The following TSG101 variants were observed in gnomAD, a reference collection of about 807,000 sequenced individuals.
The protein encoded by TSG101 is tumor susceptibility gene 101 protein.
In TSG101, 19 loss-of-function variants were observed where a neutral mutation model predicts 48.5. That is an observed-to-expected ratio of 0.39 (90% confidence interval 0.27 to 0.58). TSG101 has a LOEUF of 0.58. Among genes scored for constraint, TSG101 ranks in the 20% least tolerant of loss-of-function variants. TSG101 has a pLI of 0.55. For missense variants in TSG101, 365 were observed against 484.4 expected (o/e 0.75, Z 2.31); for synonymous variants, 174 against 169.4 (o/e 1.03, Z -0.21).
At chr11:18,483,804 A>G (rs1450200908) in intron 8 of TSG101, 66 bp downstream of exon 8, 2 of 1,551,816 alleles carry the variant, frequency 1.3e-6, no homozygotes, top group Non-Finnish European at 1.8e-6. Context: ...TCCAGGGAAC[A>G]TATAGAACAC....
intron 6 of TSG101, among the ~76,000 whole-genome samples, chr11:18,505,085 T>C (rs564413972): frequency 2.0e-5 from 3 of 152,282 alleles, no homozygotes; most frequent in Admixed American, 2.0e-4. Flanking sequence ...ATCCTAGATA[T>C]TATATATGTA....
intron 7 of TSG101, among the ~76,000 whole-genome samples, chr11:18,491,686 GGAAA>G (rs1431542031): frequency 6.6e-6 from 1 of 152,156 alleles, no homozygotes; most frequent in Non-Finnish European, 1.5e-5. Context: ...GGTGGCCTTG[GGAAA>G]CCATGAACTT....
chr11:18,526,717 CAGGGCGCGGA>C, intron 1 of TSG101, 48 bp downstream of exon 1: 1 of 1,575,614 alleles, frequency 6.3e-7, no homozygotes, highest in Non-Finnish European at 8.6e-7. Flanking sequence ...ACGGACTCGA[CAGGGCGCGGA>C]AGGGAGCGGT....
chr11:18,491,638 A>G (rs755448791), intron 7 of TSG101, among the ~76,000 whole-genome samples: 1 of 152,190 alleles, frequency 6.6e-6, no homozygotes, highest in Non-Finnish European at 1.5e-5. Context: ...GCTTTCAGTG[A>G]GCTTTTAAAG....
chr11:18,510,828 G>A (rs1388493004), intron 4 of TSG101, among the ~76,000 whole-genome samples: 3 of 152,138 alleles, frequency 2.0e-5, no homozygotes, highest in African/African-American at 2.4e-5. Flanking sequence ...AGGCTGCAGC[G>A]GGAGGATCAC....
chr11:18,497,642 C>T (rs1849804553), intron 7 of TSG101, among the ~76,000 whole-genome samples: 1 of 152,148 alleles, frequency 6.6e-6, no homozygotes, highest in South Asian at 2.1e-4. Flanking sequence ...AAGGATTATA[C>T]TATTATTTCA....
chr11:18,498,777 G>C (rs554275077), intron 7 of TSG101, among the ~76,000 whole-genome samples: 1 of 152,074 alleles, frequency 6.6e-6, no homozygotes, highest in Non-Finnish European at 1.5e-5. Context: ...AGGATAGAGA[G>C]TGCCAAGGAG....
intron 4 of TSG101, among the ~76,000 whole-genome samples, chr11:18,512,853 G>A (rs1850111308): frequency 1.3e-5 from 2 of 151,182 alleles, no homozygotes; most frequent in Non-Finnish European, 2.9e-5. Flanking sequence ...TCAGCCTCCG[G>A]AGTAGCTGGG....
At chr11:18,490,331 T>TTTTA in intron 7 of TSG101, 1 of 599,222 alleles carries the variant, frequency 1.7e-6, no homozygotes. Flanking sequence ...GAGTGCTGTC[T>TTTTA]TTATAAGACT....
chr11:18,484,935 C>T (rs1368165871), intron 7 of TSG101, among the ~76,000 whole-genome samples: 5 of 108,008 alleles, frequency 4.6e-5, no homozygotes, highest in Non-Finnish European at 6.8e-5. Flanking sequence ...TAATTGCCGC[C>T]TTTTTTTTTT....
At chr11:18,497,472 T>C (rs1340232782) in intron 7 of TSG101, among the ~76,000 whole-genome samples, 1 of 152,176 alleles carries the variant, frequency 6.6e-6, no homozygotes, top group Non-Finnish European at 1.5e-5. Flanking sequence ...TCAAAAATCA[T>C]AAACATGAGA....
At chr11:18,514,876 TTTA>T (rs1850145336) in intron 3 of TSG101, 35 bp from the exon 4 acceptor site, 1 of 1,502,726 alleles carries the variant, frequency 6.7e-7, no homozygotes, top group South Asian at 1.3e-5. Flanking sequence ...TTACTCTATT[TTTA>T]TTATTTTTAA....
intron 1 of TSG101, among the ~76,000 whole-genome samples, chr11:18,521,227 T>A (rs1030009299): frequency 6.6e-6 from 1 of 152,052 alleles, no homozygotes; most frequent in African/African-American, 2.4e-5. Context: ...ACTCAGCATT[T>A]CACTGAAATT....
intron 6 of TSG101, among the ~76,000 whole-genome samples, chr11:18,504,881 T>C (rs917313369): frequency 2.6e-5 from 4 of 152,194 alleles, no homozygotes; most frequent in African/African-American, 9.7e-5. Flanking sequence ...TCAGAAAATT[T>C]AGGGCCTCAA....
At chr11:18,526,544 G>A (rs971762964) in intron 1 of TSG101, among the ~76,000 whole-genome samples, 2 of 152,260 alleles carry the variant, frequency 1.3e-5, no homozygotes, top group East Asian at 1.9e-4. Flanking sequence ...GGTAGCCTCC[G>A]CTCCACGCCT....
intron 7 of TSG101, among the ~76,000 whole-genome samples, chr11:18,486,002 A>G (rs900296707): frequency 1.2e-4 from 19 of 152,220 alleles, no homozygotes; most frequent in African/African-American, 4.6e-4. Context: ...CTTTTAACCA[A>G]TCAAATGTTG....
At chr11:18,525,504 C>A (rs1296537046) in intron 1 of TSG101, among the ~76,000 whole-genome samples, 3 of 146,998 alleles carry the variant, frequency 2.0e-5, no homozygotes, top group Non-Finnish European at 4.5e-5. Context: ...CAAGATCGTG[C>A]CACTGCACTC....
chr11:18,511,889 A>C (rs1014050457), intron 4 of TSG101, among the ~76,000 whole-genome samples: 1 of 152,152 alleles, frequency 6.6e-6, no homozygotes, highest in Non-Finnish European at 1.5e-5. Flanking sequence ...GAAATCATAC[A>C]ATATATGGCC....
At chr11:18,488,247 T>C (rs977005694) in intron 7 of TSG101, among the ~76,000 whole-genome samples, 2 of 152,206 alleles carry the variant, frequency 1.3e-5, no homozygotes, top group Admixed American at 1.3e-4. Context: ...TTTTGTTTTT[T>C]TTCTTTTTTT....
Sources: allele counts gnomAD v4.1 joint callset (sites outside exome capture counted in the v4.1 genomes callset), GRCh38; gene constraint gnomAD v4.1.1; transcripts MANE v1.5; gene names NCBI Gene and HGNC (gene_info 2026-07-23, HGNC 2026-07-21).